The following AUTS2 variants were observed in gnomAD, a reference collection of about 807,000 sequenced individuals.
The protein encoded by AUTS2 is autism susceptibility gene 2 protein.
AUTS2 carries 17 observed loss-of-function variants against 112.4 expected under a neutral mutation model. The ratio of observed to expected loss-of-function variants is 0.15; its 90% CI spans 0.10 to 0.23. The LOEUF (loss-of-function observed/expected upper bound fraction) is 0.23. Among genes scored for constraint, AUTS2 ranks in the 10% least tolerant of loss-of-function variants. The probability of loss-of-function intolerance (pLI) is 1.00; values close to 1 mark genes in which losing one functional copy is unlikely to be tolerated. For synonymous variants in AUTS2, 751 were observed against 702.7 expected (o/e 1.07, Z -1.09); for missense variants, 1,510 against 1,701.6 (o/e 0.89, Z 1.98).
chr7:70,185,296 A>G (rs1809542887), intron 4 of AUTS2, among the ~76,000 whole-genome samples: 1 of 102,938 alleles, frequency 9.7e-6, no homozygotes, highest in South Asian at 3.4e-4. Context: ...AGAAACGAGG[A>G]TCTTCCTATG....
intron 10 of AUTS2, among the ~76,000 whole-genome samples, chr7:70,769,230 A>G (rs548245647): frequency 2.6e-5 from 4 of 152,274 alleles, no homozygotes; most frequent in African/African-American, 9.6e-5. Context: ...CCCTCCCAAC[A>G]TGGTCCCCGC....
chr7:70,444,062 C>G (rs1796220905), intron 5 of AUTS2, among the ~76,000 whole-genome samples: 1 of 152,166 alleles, frequency 6.6e-6, no homozygotes, highest in Non-Finnish European at 1.5e-5. Flanking sequence ...GGTGTCATGG[C>G]TTACCTGAAG....
chr7:70,296,524 C>G (rs1285765581), intron 4 of AUTS2, among the ~76,000 whole-genome samples: 2 of 152,106 alleles, frequency 1.3e-5, no homozygotes, highest in African/African-American at 4.8e-5. Context: ...CTGCCTTTTT[C>G]CCTTCAACTA....
At chr7:69,770,526 G>T (rs2129297511) in intron 1 of AUTS2, among the ~76,000 whole-genome samples, 1 of 152,094 alleles carries the variant, frequency 6.6e-6, no homozygotes, top group Non-Finnish European at 1.5e-5. Flanking sequence ...GAGCCAATTG[G>T]CCTGTTGGGC....
At chr7:70,447,013 G>A (rs1585155699) in intron 5 of AUTS2, among the ~76,000 whole-genome samples, 1 of 152,292 alleles carries the variant, frequency 6.6e-6, no homozygotes, top group Non-Finnish European at 1.5e-5. Context: ...CCCCAGGGTG[G>A]ATTAGGCAAA....
chr7:69,810,678 C>T (rs1007873846), intron 1 of AUTS2, among the ~76,000 whole-genome samples: 3 of 152,160 alleles, frequency 2.0e-5, no homozygotes, highest in African/African-American at 7.2e-5. Context: ...TGTGATCTTC[C>T]TTCCGTTTGA....
At chr7:69,957,195 G>T (rs1797249723) in intron 2 of AUTS2, among the ~76,000 whole-genome samples, 1 of 151,904 alleles carries the variant, frequency 6.6e-6, no homozygotes, top group African/African-American at 2.4e-5. Context: ...TGATTTTTAA[G>T]AGTTTCATCA....
At chr7:70,257,564 C>T (rs758588687) in intron 4 of AUTS2, among the ~76,000 whole-genome samples, 1 of 151,910 alleles carries the variant, frequency 6.6e-6, no homozygotes, top group Non-Finnish European at 1.5e-5. Flanking sequence ...GTGAGCCGAC[C>T]GCCTCGACCT....
intron 2 of AUTS2, among the ~76,000 whole-genome samples, chr7:70,062,247 A>G (rs1328747292): frequency 1.3e-5 from 2 of 151,958 alleles, no homozygotes; most frequent in Admixed American, 1.3e-4. Flanking sequence ...ACAGTGGCTC[A>G]TGCCTGTAAT....
At chr7:70,386,824 A>G (rs1793632059) in intron 4 of AUTS2, among the ~76,000 whole-genome samples, 1 of 152,146 alleles carries the variant, frequency 6.6e-6, no homozygotes, top group Non-Finnish European at 1.5e-5. Flanking sequence ...TTCTTTATAA[A>G]TTCAAACATC....
intron 4 of AUTS2, among the ~76,000 whole-genome samples, chr7:70,147,550 T>C (rs1334931350): frequency 6.6e-6 from 1 of 152,044 alleles, no homozygotes; most frequent in Non-Finnish European, 1.5e-5. Context: ...TGCTGGAGAG[T>C]GTGCTATAGA....
intron 1 of AUTS2, among the ~76,000 whole-genome samples, chr7:69,605,153 C>T (rs905463146): frequency 3.3e-5 from 5 of 152,168 alleles, no homozygotes; most frequent in Admixed American, 1.3e-4. Flanking sequence ...ATGGGAAATA[C>T]TAGAAAGGAT....
At chr7:70,278,352 G>A (rs1306538458) in intron 4 of AUTS2, among the ~76,000 whole-genome samples, 1 of 152,150 alleles carries the variant, frequency 6.6e-6, no homozygotes, top group Non-Finnish European at 1.5e-5. Context: ...GCTGAGGCAG[G>A]AGGATCGCTT....
At chr7:70,125,684 T>G (rs905773782) in intron 3 of AUTS2, among the ~76,000 whole-genome samples, 2 of 152,148 alleles carry the variant, frequency 1.3e-5, no homozygotes, top group Admixed American at 1.3e-4. Context: ...GGATTCCACC[T>G]GGGTCACCTC....
At chr7:69,686,268 G>A (rs940672066) in intron 1 of AUTS2, among the ~76,000 whole-genome samples, 6 of 152,236 alleles carry the variant, frequency 3.9e-5, no homozygotes, top group Admixed American at 6.5e-5. Flanking sequence ...AAGGACCACA[G>A]ATACTCGAAT....
In AUTS2 at chr7:70,280,566, G is replaced by A. The variant is rs1788168430; in HGVS notation, c.660+145995G>A. On this transcript the variant is annotated intron_variant, in intron 4 of 18. Transcript: ENST00000342771. Reference sequence around the variant, plus strand: ...CTGCCTCGGCCTCGTAAAGTGCTGGGATTACAGGCGTGAGCCACTGTGCCC... The same window carrying A: ...CTGCCTCGGCCTCGTAAAGTGCTGGAATTACAGGCGTGAGCCACTGTGCCC... Among the ~76,000 whole-genome samples the A allele has an allele frequency of 2.0e-5, 3 of 151,790 alleles. No homozygotes were observed. In the South Asian group the frequency reaches 6.2e-4, roughly 32 times the overall value.
intron 2 of AUTS2, among the ~76,000 whole-genome samples, chr7:69,922,878 G>A (rs1423384890): frequency 2.0e-5 from 3 of 152,110 alleles, no homozygotes; most frequent in African/African-American, 7.2e-5. Flanking sequence ...CTTTCCTCTA[G>A]TGTTGGTTTC....
intron 15 of AUTS2, 139 bp downstream of exon 15, chr7:70,781,895 C>A: frequency 1.9e-6 from 2 of 1,069,270 alleles, no homozygotes; most frequent in Admixed American, 2.7e-5. Flanking sequence ...AAGGCAACAT[C>A]GCAGCACATC....
chr7:70,211,987 AAGAGAG>A (rs926006805), intron 4 of AUTS2, among the ~76,000 whole-genome samples: 1 of 152,088 alleles, frequency 6.6e-6, no homozygotes, highest in African/African-American at 2.4e-5. Context: ...CTCCGTCTCA[AAGAGAG>A]AGAGAGACAG....
Sources: allele counts gnomAD v4.1 joint callset (sites outside exome capture counted in the v4.1 genomes callset), GRCh38; gene constraint gnomAD v4.1.1; transcripts MANE v1.5; gene names NCBI Gene and HGNC (gene_info 2026-07-23, HGNC 2026-07-21).